The following SYTL5 variants were observed in gnomAD, a reference collection of about 807,000 sequenced individuals.
SYTL5 encodes the protein synaptotagmin-like protein 5.
SYTL5 carries 34 observed loss-of-function variants against 55.9 expected under a neutral mutation model. The ratio of observed to expected loss-of-function variants is 0.61; its 90% confidence interval spans 0.46 to 0.81. The LOEUF (loss-of-function observed/expected upper bound fraction) is 0.81. SYTL5 is among the 30% of genes least tolerant of loss of function. The probability of loss-of-function intolerance (pLI) is 0.00; values close to 1 mark genes in which losing one functional copy is unlikely to be tolerated. For synonymous variants in SYTL5, 221 were observed against 188.7 expected (o/e 1.17, Z -1.40); for missense variants, 637 against 546.7 (o/e 1.17, Z -1.65).
At chrX:37,895,741 G>A in the SYTL5 span, among the ~76,000 whole-genome samples, 9 of 109,759 alleles carry the variant, frequency 8.2e-5, no homozygotes, top group East Asian at 2.8e-4. Context: ...GTTCTCTCTC[G>A]GAGGTGGTTA....
At chrX:38,025,841 T>G (rs996059781) in intron 1 of SYTL5, among the ~76,000 whole-genome samples, 3 of 112,088 alleles carry the variant, frequency 2.7e-5, no homozygotes, top group African/African-American at 9.7e-5. Context: ...TCAGGTGAAG[T>G]CATTGCAGTC....
the SYTL5 span, among the ~76,000 whole-genome samples, chrX:37,965,153 A>C: frequency 1.8e-5 from 2 of 111,174 alleles, no homozygotes; most frequent in African/African-American, 6.5e-5. Context: ...GTGTAAATTT[A>C]GGTTGTTTTC....
chrX:38,012,072 C>T (rs1485561348), intron 1 of SYTL5, among the ~76,000 whole-genome samples: 1 of 111,866 alleles, frequency 8.9e-6, no homozygotes, highest in East Asian at 2.8e-4. Flanking sequence ...TTAGCAGTTT[C>T]CAATTTTTGT....
chrX:38,087,338 C>T, intron 6 of SYTL5, among the ~76,000 whole-genome samples: 1 of 112,133 alleles, frequency 8.9e-6, no homozygotes, highest in East Asian at 2.8e-4. Context: ...GAGCAGAATA[C>T]TTGGAAGGGT....
chrX:37,901,339 G>A, the SYTL5 span, among the ~76,000 whole-genome samples: 2 of 111,822 alleles, frequency 1.8e-5, no homozygotes, highest in Admixed American at 1.9e-4. Context: ...AGGCATTGAT[G>A]CAGCGTTGTC....
chrX:37,997,666 C>T, the SYTL5 span, among the ~76,000 whole-genome samples: 1 of 112,255 alleles, frequency 8.9e-6, no homozygotes, highest in African/African-American at 3.2e-5. Context: ...TCAGTGCTGG[C>T]CTGCAGATAT....
intron 10 of SYTL5, among the ~76,000 whole-genome samples, chrX:38,106,057 C>T (rs1937203129): frequency 9.0e-6 from 1 of 111,682 alleles, no homozygotes; most frequent in African/African-American, 3.3e-5. Flanking sequence ...ATGTGATGTT[C>T]TTCTGATATG....
the SYTL5 span, among the ~76,000 whole-genome samples, chrX:37,921,978 A>G: frequency 8.9e-6 from 1 of 112,049 alleles, no homozygotes; most frequent in Non-Finnish European, 1.9e-5. Flanking sequence ...TCATTATTTT[A>G]TGACCGTTGC....
At position 38,126,733 on chromosome X, in the gene SYTL5, G is replaced by T; in HGVS notation, c.*3G>T. 8.3e-7 allele frequency: 1 copy of T among 1,201,865 alleles called. No homozygotes were observed. Among genetic ancestry groups the T allele is most frequent in the Non-Finnish European group, 1.1e-6 (1 of 890,406 alleles). Reference sequence around the variant, plus strand: ...GCATGGGAAAATGTAGGCTCTAAAGGGACCAGTTCTCCAAGAATGAGGCCA... The same window carrying T: ...GCATGGGAAAATGTAGGCTCTAAAGTGACCAGTTCTCCAAGAATGAGGCCA... On this transcript the variant is annotated 3_prime_UTR_variant, in exon 17 of 17. Transcript: ENST00000297875.
intron 3 of SYTL5, among the ~76,000 whole-genome samples, chrX:38,064,499 A>G (rs1936045757): frequency 9.0e-6 from 1 of 111,302 alleles, no homozygotes; most frequent in African/African-American, 3.3e-5. Context: ...TGATATGAGT[A>G]TTTATGTGTA....
intron 6 of SYTL5, among the ~76,000 whole-genome samples, chrX:38,087,449 T>G (rs189370272): frequency 1.2e-3 from 137 of 111,754 alleles, no homozygotes; most frequent in African/African-American, 4.2e-3. Context: ...GTGTATCAAT[T>G]TACTTAATCA....
intron 3 of SYTL5, among the ~76,000 whole-genome samples, chrX:38,058,513 A>G (rs1450887297): frequency 1.8e-5 from 2 of 108,807 alleles, no homozygotes; most frequent in Non-Finnish European, 3.8e-5. Flanking sequence ...GGTGGTGAAT[A>G]CTCTCAATTT....
At chrX:38,098,430 A>T (rs969985622) in intron 9 of SYTL5, among the ~76,000 whole-genome samples, 1 of 111,395 alleles carries the variant, frequency 9.0e-6, no homozygotes, top group African/African-American at 3.2e-5. Context: ...AATGCCTAAT[A>T]GCTGCATTAA....
intron 3 of SYTL5, among the ~76,000 whole-genome samples, chrX:38,067,873 C>T (rs1437638475): frequency 9.0e-6 from 1 of 111,526 alleles, no homozygotes; most frequent in Non-Finnish European, 1.9e-5. Context: ...TGAATATCAG[C>T]CTTGGCAAAT....
At chrX:38,039,916 C>T (rs1404852963) in intron 2 of SYTL5, among the ~76,000 whole-genome samples, 1 of 111,466 alleles carries the variant, frequency 9.0e-6, no homozygotes, top group Non-Finnish European at 1.9e-5. Flanking sequence ...TGGCTCACGC[C>T]TGTAATCCCA....
At chrX:38,024,766 A>T (rs972345189) in intron 1 of SYTL5, among the ~76,000 whole-genome samples, 3 of 111,707 alleles carry the variant, frequency 2.7e-5, no homozygotes, top group East Asian at 2.8e-4. Context: ...CATTCTGAGG[A>T]TACTGCTCTT....
intron 4 of SYTL5, among the ~76,000 whole-genome samples, chrX:38,072,624 T>G (rs1044865851): frequency 2.7e-5 from 3 of 111,669 alleles, no homozygotes; most frequent in Admixed American, 9.5e-5. Context: ...TCCCTCAAAA[T>G]GGGAGCATTT....
the SYTL5 span, among the ~76,000 whole-genome samples, chrX:37,986,423 G>A: frequency 9.0e-6 from 1 of 111,557 alleles, no homozygotes; most frequent in African/African-American, 3.3e-5. Context: ...AACAGAACAG[G>A]ACAGGGATTT....
At chrX:38,094,190 A>G (rs1178649768) in intron 7 of SYTL5, 105 bp from the exon 8 acceptor site, 10 of 720,234 alleles carry the variant, frequency 1.4e-5, no homozygotes, top group Non-Finnish European at 1.9e-5. Flanking sequence ...CCTCCTAAAT[A>G]ATAATACATA....
Sources: gnomAD v4.1 joint callset for allele counts (sites outside exome capture counted in the v4.1 genomes callset) on GRCh38, gnomAD v4.1.1 for gene constraint, MANE v1.5 for transcripts, NCBI Gene and HGNC (gene_info 2026-07-23, HGNC 2026-07-21) for gene names.